The following SMC2 variants were observed in gnomAD, a reference collection of about 807,000 sequenced individuals.
The protein encoded by SMC2 is structural maintenance of chromosomes 2.
In SMC2, 41 loss-of-function variants were observed where a neutral mutation model predicts 142.6. The observed-to-expected ratio is 0.29, with a 90% CI of 0.22 to 0.37. The LOEUF is 0.37. Ranked by LOEUF, SMC2 falls within the 10% of genes least tolerant of loss-of-function variation. SMC2 has a pLI of 1.00. For synonymous variants in SMC2, 463 were observed against 457.5 expected, an observed-to-expected ratio of 1.01 and a Z score of -0.15; for missense variants, 1,265 against 1,373.7, an observed-to-expected ratio of 0.92 and a Z score of 1.25.
intron 21 of SMC2, among the ~76,000 whole-genome samples, chr9:104,130,738 T>C (rs1016205063): frequency 6.6e-6 from 1 of 152,172 alleles, no homozygotes; most frequent in African/African-American, 2.4e-5. Context: ...ATATGTGATA[T>C]ATTTGTAGAA....
At chr9:104,137,521 C>CA (rs1051365833) in intron 23 of SMC2, among the ~76,000 whole-genome samples, 2 of 151,762 alleles carry the variant, frequency 1.3e-5, no homozygotes, top group Admixed American at 1.3e-4. Flanking sequence ...CAAATGGTAC[C>CA]AAAAAATATA....
chr9:104,096,399 A>C lies in SMC2; in HGVS notation c.318+102A>C, dbSNP rs1397204053. ...AACGTGCTAGAGAAAGTTCATGAGC[A>C]AAATTGGTGCCTTAAATTCTGACTA... On this transcript the variant is annotated intron_variant, in intron 3 of 24. Coordinates refer to ENST00000374793, the MANE Select transcript of SMC2 (RefSeq NM_006444.3). The C allele has an allele frequency of 2.8e-6, 3 of 1,069,878 alleles. No homozygotes were observed. In the African/African-American group the frequency reaches 4.8e-5, roughly 17 times the overall value. 66.3% of individuals were successfully genotyped at this position (1,069,878 alleles called of 1,614,324 possible). A position where few individuals can be genotyped will look rare whatever the true frequency, so the allele number is the denominator to read the frequency against.
At chr9:104,094,766 C>G in intron 1 of SMC2, 1 of 217,494 alleles carries the variant, frequency 4.6e-6, no homozygotes, top group East Asian at 8.8e-5. Context: ...ACTTCCCCTC[C>G]TCCCGGAGTC....
intron 14 of SMC2, among the ~76,000 whole-genome samples, chr9:104,117,185 C>A (rs1833214341): frequency 1.3e-5 from 2 of 152,172 alleles, no homozygotes; most frequent in South Asian, 4.1e-4. Context: ...CTTGAAAACT[C>A]ACCATTAAGT....
chr9:104,125,410 A>C (rs1460633256), intron 18 of SMC2, among the ~76,000 whole-genome samples: 1 of 149,902 alleles, frequency 6.7e-6, no homozygotes, highest in Non-Finnish European at 1.5e-5. Context: ...TCCAAAATCC[A>C]AAAAAAAAAT....
chr9:104,132,670 A>G lies in SMC2; in HGVS notation c.3108+545A>G, dbSNP rs556688158. On this transcript the variant is annotated intron_variant, in intron 22 of 24. Coordinates refer to ENST00000374793, the MANE Select transcript of SMC2 (RefSeq NM_006444.3). ...CTCTTTGTAATTCTGTAGGAACTCT[A>G]TCTTCAGTAATGCAGCACAATTATC... is the stretch of plus-strand genomic sequence containing the variant. Among the ~76,000 whole-genome samples, 27 of 152,188 alleles carry G rather than the reference A, an allele frequency of 1.8e-4. No individual in the cohort carries two copies. The South Asian group carries it at 5.4e-3, about 30-fold the overall frequency.
intron 22 of SMC2, among the ~76,000 whole-genome samples, chr9:104,133,058 T>A (rs990432978): frequency 6.6e-6 from 1 of 152,178 alleles, no homozygotes; most frequent in Non-Finnish European, 1.5e-5. Context: ...ATCAGCATTA[T>A]ATTCTTCCTT....
intron 9 of SMC2, among the ~76,000 whole-genome samples, chr9:104,105,830 A>G (rs1288279334): frequency 6.6e-6 from 1 of 152,170 alleles, no homozygotes; most frequent in Non-Finnish European, 1.5e-5. Flanking sequence ...CCTGGATGTC[A>G]TATCTAACAT....
Position 104,139,484 on chromosome 9 carries a change from C to T in SMC2, c.*169C>T. 1 of 510,092 alleles carries T rather than the reference C, an allele frequency of 2.0e-6. No homozygotes were observed. The highest frequency in any genetic ancestry group is 3.4e-6 in the Non-Finnish European group (1 of 295,456). 31.6% of individuals were successfully genotyped at this position (510,092 alleles called of 1,614,324 possible). On this transcript the variant is annotated 3_prime_UTR_variant, in exon 25 of 25. Transcript: ENST00000374793. Reference sequence around the variant, plus strand: ...TTACAAATGAGCATATATTCCTCATCTCTTAACTAGTCTAATTATGGTCCA... The same window carrying T: ...TTACAAATGAGCATATATTCCTCATTTCTTAACTAGTCTAATTATGGTCCA...
chr9:104,140,616 T>C lies in SMC2; in HGVS notation c.*1301T>C, dbSNP rs1178317488. The C allele has an allele frequency of 6.6e-6, 1 of 152,588 alleles. No homozygotes were observed. The highest frequency in any genetic ancestry group is 1.5e-5 in the Non-Finnish European group (1 of 68,014). 9.5% of individuals were successfully genotyped at this position (152,588 alleles called of 1,614,324 possible). On this transcript the variant is annotated 3_prime_UTR_variant, in exon 25 of 25. Coordinates refer to ENST00000374793, the MANE Select transcript of SMC2 (RefSeq NM_006444.3). Reference sequence around the variant, plus strand: ...AGAAAACATGCAGTAATTGATATTATGGGACACATTGGAAAGGATTGAATC... The same window carrying C: ...AGAAAACATGCAGTAATTGATATTACGGGACACATTGGAAAGGATTGAATC...
chr9:104,130,534 G>A (rs1416935282), intron 21 of SMC2, among the ~76,000 whole-genome samples: 1 of 152,108 alleles, frequency 6.6e-6, no homozygotes, highest in South Asian at 2.1e-4. Flanking sequence ...TAAAATTCAT[G>A]AGAAATCTGC....
chr9:104,093,746 C>T (rs1366029046), upstream of SMC2, among the ~76,000 whole-genome samples: 1 of 152,162 alleles, frequency 6.6e-6, no homozygotes, highest in Non-Finnish European at 1.5e-5. Context: ...AAACGCTCCC[C>T]GAGGTCCGAG....
chr9:104,106,788 T>C (rs1321362969), intron 9 of SMC2, among the ~76,000 whole-genome samples: 2 of 152,134 alleles, frequency 1.3e-5, no homozygotes, highest in African/African-American at 4.8e-5. Flanking sequence ...GTTGGTGAAA[T>C]GTAGCAAGAT....
At position 104,138,288 on chromosome 9, in the gene SMC2, A is replaced by G. The variant is rs1037173490; in HGVS notation, c.3417+123A>G. The G allele has an allele frequency of 5.5e-5, 39 of 705,482 alleles. No individual in the cohort carries two copies. The African/African-American group carries it at 6.0e-4, about 11-fold the overall frequency. 43.7% of individuals were successfully genotyped at this position (705,482 alleles called of 1,614,324 possible). ...GTTGATAAATACTAAAGCATTGTATATCTATTTAAATAGACTTATGTTTAA... is the reference window on the plus strand; with the variant it reads ...GTTGATAAATACTAAAGCATTGTATGTCTATTTAAATAGACTTATGTTTAA... On this transcript the variant is annotated intron_variant, in intron 24 of 24. Transcript: ENST00000374793.
intron 13 of SMC2, among the ~76,000 whole-genome samples, chr9:104,115,341 G>A (rs188338786): frequency 1.6e-4 from 24 of 151,988 alleles, no homozygotes; most frequent in Admixed American, 1.2e-3. Flanking sequence ...TTGGGAGGCT[G>A]AGGTGGGCAG....
In SMC2 at chr9:104,137,896, T is replaced by TTATATGACTACCTTTCAGA. The variant is rs1835729744; in HGVS notation, c.3270-119_3270-101dup. On this transcript the variant is annotated intron_variant, in intron 23 of 24. Coordinates refer to ENST00000374793, the MANE Select transcript of SMC2 (RefSeq NM_006444.3). Reference sequence around the variant, plus strand: ...AGTTTGAAACTCAAGATTCTTTTTTTTATATGACTACCTTTCAGATAAATC... The same window carrying TTATATGACTACCTTTCAGA: ...AGTTTGAAACTCAAGATTCTTTTTTTTATATGACTACCTTTCAGATATATGACTACCTTTCAGATAAATC... The TTATATGACTACCTTTCAGA allele has an allele frequency of 5.5e-6, 3 of 541,248 alleles. No homozygotes were observed. In the Admixed American group the frequency reaches 1.2e-4, roughly 21 times the overall value. The allele number at this position is 541,248 out of a possible 1,614,324, so 33.5% of individuals were successfully genotyped here. A position where few individuals can be genotyped will look rare whatever the true frequency, so the allele number is the denominator to read the frequency against.
At chr9:104,098,082 G>A (rs1294223311) in intron 3 of SMC2, among the ~76,000 whole-genome samples, 1 of 152,162 alleles carries the variant, frequency 6.6e-6, no homozygotes, top group African/African-American at 2.4e-5. Flanking sequence ...ATCTATTCCT[G>A]TTGAAAAGTA....
intron 15 of SMC2, 43 bp from the exon 16 acceptor site, chr9:104,119,984 C>G (rs1271812096): frequency 6.2e-7 from 1 of 1,602,456 alleles, no homozygotes; most frequent in Non-Finnish European, 8.5e-7. Context: ...TAGTACATAC[C>G]TGGTAACAAT....
At position 104,095,362 on chromosome 9, in the gene SMC2, G is replaced by C. The variant is rs1368705874; in HGVS notation, c.-23G>C. ...CCTGTTTGATTCCTGTCAGAGGTTT[G>C]CTGACCCAAGACAGTATCGAAAATG... On this transcript the variant is annotated 5_prime_UTR_variant, in exon 2 of 25. Transcript: ENST00000374793. 1.9e-6 allele frequency: 3 copies of C among 1,604,102 alleles called. No homozygotes were observed. The highest frequency in any genetic ancestry group is 2.6e-6 in the Non-Finnish European group (3 of 1,174,892).
Sources: gnomAD v4.1 joint callset for allele counts (sites outside exome capture counted in the v4.1 genomes callset) on GRCh38, gnomAD v4.1.1 for gene constraint, MANE v1.5 for transcripts, NCBI Gene and HGNC (gene_info 2026-07-23, HGNC 2026-07-21) for gene names.